WFS1: variants seen among roughly 807,000 people sequenced by gnomAD.
The protein encoded by WFS1 is wolframin ER transmembrane glycoprotein.
WFS1 carries 90 observed loss-of-function variants against 68.5 expected under a neutral mutation model. That is an observed-to-expected ratio of 1.31 (90% CI 1.11 to 1.56). The LOEUF (loss-of-function observed/expected upper bound fraction) is 1.56, where lower values mean the gene tolerates loss of function less well. Ranked by LOEUF, WFS1 falls within the 40% of genes most tolerant of loss-of-function variation. The pLI, the probability that WFS1 is intolerant of heterozygous loss-of-function variation, is 0.00. For synonymous variants in WFS1, 860 were observed against 540.7 expected (o/e 1.59, Z -8.19); for missense variants, 1,767 against 1,232.6 (o/e 1.43, Z -6.49).
At chr4:6,278,282 C>G (rs1186356893) in intron 2 of WFS1, among the ~76,000 whole-genome samples, 1 of 152,194 alleles carries the variant, frequency 6.6e-6, no homozygotes, top group African/African-American at 2.4e-5. Context: ...ACAGGCAGAG[C>G]TGACAGGCTT....
At chr4:6,277,820 G>A (rs1730044262) in intron 2 of WFS1, 133 bp downstream of exon 2, 1 of 1,076,182 alleles carries the variant, frequency 9.3e-7, no homozygotes, top group Non-Finnish European at 1.4e-6. Flanking sequence ...CCCATGCTGT[G>A]CACAGGCGTC....
At chr4:6,300,547 A>G in intron 7 of WFS1, 110 bp from the exon 8 acceptor site, 1 of 1,525,510 alleles carries the variant, frequency 6.6e-7, no homozygotes, top group Non-Finnish European at 8.9e-7. Context: ...GGGAAAACGC[A>G]AGGGTGCGGG....
intron 2 of WFS1, 48 bp downstream of exon 2, chr4:6,277,735 C>T (rs369101832): frequency 3.5e-5 from 54 of 1,544,920 alleles, no homozygotes; most frequent in Non-Finnish European, 4.6e-5. Flanking sequence ...TCAGGGATAG[C>T]TGGGTGGGAA....
Position 6,295,156 on chromosome 4 carries a change from G to A in WFS1, c.828G>A (p.Gly276=), listed in dbSNP as rs770430366. ...QDDEDDDELA[G]KSPEDLPLRL... is the part of the protein sequence containing the mutation. Reference sequence around the variant, plus strand: ...ACGAAGATGATGACGAGCTGGCGGGGAAGAGCCCTGAGGACCTGCCACTGC... The same window carrying A: ...ACGAAGATGATGACGAGCTGGCGGGAAAGAGCCCTGAGGACCTGCCACTGC... The change falls in exon 7 of 8, where the codon GGG becomes GGA. Residue 276 remains glycine, a synonymous_variant. Transcript: ENST00000226760. The A allele has an allele frequency of 1.6e-5, 25 of 1,612,260 alleles. No individual in the cohort carries two copies. Among genetic ancestry groups the A allele is most frequent in the Non-Finnish European group, 2.1e-5 (25 of 1,180,034 alleles).
Position 6,302,822 on chromosome 4 carries a change from CCT to C in WFS1, c.*357_*358del, listed in dbSNP as rs1491503891. The C allele has an allele frequency of 1.3e-5, 5 of 380,056 alleles. No homozygotes were observed. Among genetic ancestry groups the C allele is most frequent in the Admixed American group, 4.2e-5 (1 of 23,606 alleles). The allele number at this position is 380,056 out of a possible 1,614,324, so 23.5% of individuals were successfully genotyped here. A position where few individuals can be genotyped will look rare whatever the true frequency, so the allele number is the denominator to read the frequency against. The stretch of plus-strand genomic sequence containing the variant: ...TCCCCCACCTTCAAGCACCCTGTTC[CCT>C]CTTTCTTTCTTTTGTGTTGGATTTG... On this transcript the variant is annotated 3_prime_UTR_variant, in exon 8 of 8. Transcript: ENST00000226760.
At chr4:6,282,185 AAG>A (rs943333491) in intron 2 of WFS1, among the ~76,000 whole-genome samples, 41 of 152,206 alleles carry the variant, frequency 2.7e-4, no homozygotes, top group African/African-American at 9.2e-4. Context: ...CCAGCATAGA[AAG>A]AGAGGGCTGA....
intron 4 of WFS1, 92 bp from the exon 5 acceptor site, chr4:6,291,105 C>G: frequency 1.4e-6 from 2 of 1,460,896 alleles, no homozygotes; most frequent in Non-Finnish European, 1.9e-6. Flanking sequence ...GAGTCTCGCT[C>G]GAAAGCCTTC....
intron 6 of WFS1, among the ~76,000 whole-genome samples, 160 bp downstream of exon 6, chr4:6,292,157 T>C (rs906367189): frequency 6.6e-6 from 1 of 152,208 alleles, no homozygotes; most frequent in Non-Finnish European, 1.5e-5. Context: ...GACCCCATCC[T>C]GGCCCTGCTA....
chr4:6,295,340 A>C, intron 7 of WFS1, 151 bp downstream of exon 7: 1 of 931,282 alleles, frequency 1.1e-6, no homozygotes. Context: ...TTGGGTCATC[A>C]TCTATCGTCA....
At chr4:6,285,105 G>C (rs1223592649) in intron 2 of WFS1, among the ~76,000 whole-genome samples, 1 of 151,826 alleles carries the variant, frequency 6.6e-6, no homozygotes, top group Non-Finnish European at 1.5e-5. Flanking sequence ...TCTGAGCAGC[G>C]TCCTTGAGGA....
intron 2 of WFS1, among the ~76,000 whole-genome samples, chr4:6,279,013 G>A (rs1180462025): frequency 6.6e-6 from 1 of 152,190 alleles, no homozygotes; most frequent in Non-Finnish European, 1.5e-5. Context: ...CCAATGTGGG[G>A]GTGGTGAAGA....
intron 2 of WFS1, among the ~76,000 whole-genome samples, chr4:6,282,657 G>A (rs1177775695): frequency 2.0e-5 from 3 of 152,244 alleles, no homozygotes; most frequent in Non-Finnish European, 4.4e-5. Flanking sequence ...CCTGCTCCCA[G>A]CCCACTTTGG....
At chr4:6,294,877 T>G in intron 6 of WFS1, 164 bp from the exon 7 acceptor site, 1 of 1,147,676 alleles carries the variant, frequency 8.7e-7, no homozygotes, top group Non-Finnish European at 1.3e-6. Context: ...CCCAGCCTGG[T>G]CCTCAACCCT....
intron 7 of WFS1, among the ~76,000 whole-genome samples, chr4:6,296,298 G>C (rs751225410): frequency 2.0e-5 from 3 of 152,220 alleles, no homozygotes; most frequent in Non-Finnish European, 4.4e-5. Flanking sequence ...CCTGCTGCAG[G>C]GACTCGGAGC....
intron 7 of WFS1, among the ~76,000 whole-genome samples, chr4:6,295,979 A>G (rs1476060520): frequency 2.0e-5 from 3 of 152,212 alleles, no homozygotes; most frequent in Admixed American, 6.5e-5. Context: ...AGGCCAGCAC[A>G]GGGGGCCCCA....
intron 7 of WFS1, among the ~76,000 whole-genome samples, chr4:6,297,432 CT>C: frequency 6.6e-6 from 1 of 152,218 alleles, no homozygotes; most frequent in Non-Finnish European, 1.5e-5. Flanking sequence ...ACACAGTTCT[CT>C]TCTGGAGCCT....
At chr4:6,294,590 A>G (rs1730571409) in intron 6 of WFS1, among the ~76,000 whole-genome samples, 1 of 152,134 alleles carries the variant, frequency 6.6e-6, no homozygotes, top group African/African-American at 2.4e-5. Flanking sequence ...GGCGCAGATC[A>G]TGTTCGATGG....
rs752122426 is a variant in WFS1 at position 6,301,287 on chromosome 4, GTCC to G, written c.1495_1497del (p.Leu499del). On this transcript the variant is annotated inframe_deletion, in exon 8 of 8. Coordinates refer to ENST00000226760, the MANE Select transcript of WFS1 (RefSeq NM_006005.3). ...CACCGTGCCTGTCGGCCACCTGGTC[GTCC>G]TCAACGTCAGCGTCCCGTGCCTGCT... The G allele has an allele frequency of 6.2e-6, 10 of 1,611,240 alleles. No individual in the cohort carries two copies. The highest frequency in any genetic ancestry group is 8.5e-6 in the Non-Finnish European group (10 of 1,180,016).
intron 2 of WFS1, among the ~76,000 whole-genome samples, chr4:6,279,197 G>T (rs1277352068): frequency 6.6e-6 from 1 of 152,210 alleles, no homozygotes; most frequent in African/African-American, 2.4e-5. Context: ...AGTAGCAGCT[G>T]CTGCGAGAAT....
Sources: allele counts gnomAD v4.1 joint callset (sites outside exome capture counted in the v4.1 genomes callset), GRCh38; gene constraint gnomAD v4.1.1; transcripts MANE v1.5; gene names NCBI Gene and HGNC (gene_info 2026-07-23, HGNC 2026-07-21).